Variants in KALRN observed in about 807,000 individuals in gnomAD.
KALRN encodes the protein kalirin RhoGEF kinase.
In KALRN, 70 loss-of-function variants were observed where a neutral mutation model predicts 353.7. That is an observed-to-expected ratio of 0.20 (90% CI 0.16 to 0.24). The LOEUF is 0.24. KALRN is among the 10% of genes least tolerant of loss of function. KALRN has a pLI of 1.00. For missense variants in KALRN, 2,791 were observed against 3,756.7 expected, an observed-to-expected ratio of 0.74 and a Z score of 6.72; for synonymous variants, 1,391 against 1,434.8, an observed-to-expected ratio of 0.97 and a Z score of 0.69.
intron 34 of KALRN, among the ~76,000 whole-genome samples, chr3:124,565,835 C>G (rs760139561): frequency 6.6e-6 from 1 of 152,120 alleles, no homozygotes; most frequent in African/African-American, 2.4e-5. Context: ...TCTGTGATCC[C>G]GAAGTGGGAG....
chr3:124,359,549 G>C (rs2149672802), intron 10 of KALRN, among the ~76,000 whole-genome samples: 1 of 152,250 alleles, frequency 6.6e-6, no homozygotes, highest in African/African-American at 2.4e-5. Context: ...GAAAAGCATA[G>C]CATTTGGGGT....
At chr3:124,464,401 CATG>C (rs1420720171) in intron 25 of KALRN, among the ~76,000 whole-genome samples, 1 of 152,186 alleles carries the variant, frequency 6.6e-6, no homozygotes, top group Non-Finnish European at 1.5e-5. Flanking sequence ...ATTCTGCTGT[CATG>C]ATATCACTGG....
chr3:124,295,941 A>T (rs1414354545), intron 5 of KALRN, among the ~76,000 whole-genome samples: 4 of 152,222 alleles, frequency 2.6e-5, no homozygotes, highest in South Asian at 2.1e-4. Context: ...AGGACCCAGG[A>T]TAGTGCACAC....
chr3:124,295,664 A>G (rs2076790904), intron 5 of KALRN, among the ~76,000 whole-genome samples: 1 of 152,168 alleles, frequency 6.6e-6, no homozygotes, highest in South Asian at 2.1e-4. Flanking sequence ...AAGAAAGTGT[A>G]TGGAGTGAGC....
intron 1 of KALRN, among the ~76,000 whole-genome samples, chr3:124,081,630 A>G (rs1241548703): frequency 6.6e-6 from 1 of 152,036 alleles, no homozygotes; most frequent in Non-Finnish European, 1.5e-5. Flanking sequence ...AATTAGCTGG[A>G]TGTGGTGGCA....
chr3:124,427,032 G>A (rs1358714767), intron 15 of KALRN, among the ~76,000 whole-genome samples: 1 of 152,164 alleles, frequency 6.6e-6, no homozygotes, highest in Admixed American at 6.5e-5. Flanking sequence ...CCAAATGCTG[G>A]CCAAAATTTG....
chr3:124,244,185 C>T (rs912642656), intron 3 of KALRN, among the ~76,000 whole-genome samples: 15 of 152,176 alleles, frequency 9.9e-5, no homozygotes, highest in African/African-American at 3.4e-4. Flanking sequence ...CTTGTAACTG[C>T]ACCACCTAGA....
At chr3:124,625,857 GA>G (rs1436410123) in intron 34 of KALRN, among the ~76,000 whole-genome samples, 1 of 152,204 alleles carries the variant, frequency 6.6e-6, no homozygotes, top group Admixed American at 6.5e-5. Flanking sequence ...GAGGTGGCCA[GA>G]TCACCTGAGG....
chr3:124,081,265 T>C (rs772889564), intron 1 of KALRN, among the ~76,000 whole-genome samples: 30 of 152,200 alleles, frequency 2.0e-4, no homozygotes, highest in Non-Finnish European at 4.3e-4. Context: ...TGTGTTTATG[T>C]ACCTCCATGC....
rs188815285 is a variant in KALRN, at chr3:124,194,793, G to A, written c.74-33197G>A. Among the ~76,000 whole-genome samples the A allele has an allele frequency of 3.0e-4, 46 of 152,162 alleles. 1 individual carries two copies. The East Asian group carries it at 7.0e-3, about 23-fold the overall frequency. ...ACTGCCAGAGCCCTTGGATCCGTGT[G>A]GTTTCTCAGATTTCAGCTTGGCCCT... On this transcript the variant is annotated intron_variant, in intron 1 of 59. Transcript: ENST00000682506.
intron 1 of KALRN, among the ~76,000 whole-genome samples, chr3:124,092,053 C>T (rs2061149733): frequency 6.6e-6 from 1 of 152,178 alleles, no homozygotes; most frequent in African/African-American, 2.4e-5. Context: ...GAGTAAAACT[C>T]CAGGCTGAAT....
Position 124,664,334 on chromosome 3 carries a change from AGTGTGTGTGTGTGT to A in KALRN, c.6346-2091_6346-2078del, listed in dbSNP as rs750940277. Among the ~76,000 whole-genome samples the A allele has an allele frequency of 1.5e-3, 187 of 126,882 alleles. 2 individuals are homozygous for A. In the East Asian group the frequency reaches 0.03, roughly 20 times the overall value. The allele number at this position is 126,882 out of a possible 152,430, so 83.2% of individuals were successfully genotyped here. A position where few individuals can be genotyped will look rare whatever the true frequency, so the allele number is the denominator to read the frequency against. ...TCACAGGAGCTGTGTTGTACATGTG[AGTGTGTGTGTGTGT>A]GTGTGTGTGTGTGTGTGTGTGTGCG... On this transcript the variant is annotated intron_variant, in intron 45 of 59. Transcript: ENST00000682506.
rs138252689 is a variant in KALRN at position 124,647,285 on chromosome 3, A to G, written c.5665-3523A>G. On this transcript the variant is annotated intron_variant, in intron 37 of 59. Transcript: ENST00000682506. ...CAAACTTCTCCAGGATTCTGTTTTC[A>G]CTCCTCATCCCCTCTTCCTTTAATA... Among the ~76,000 whole-genome samples, 1,167 of 151,566 alleles carry G rather than the reference A, an allele frequency of 7.7e-3. 15 individuals are homozygous for G. The highest frequency in any genetic ancestry group is 0.025 in the African/African-American group (1,032 of 41,288).
intron 58 of KALRN, among the ~76,000 whole-genome samples, chr3:124,713,947 T>C (rs112652781): frequency 3.3e-5 from 5 of 152,310 alleles, no homozygotes; most frequent in South Asian, 2.1e-4. Flanking sequence ...AGTCCGGCTC[T>C]TGCGTGCTTG....
chr3:124,510,477 A>G (rs1251067159), intron 33 of KALRN, among the ~76,000 whole-genome samples: 2 of 152,156 alleles, frequency 1.3e-5, no homozygotes, highest in African/African-American at 4.8e-5. Flanking sequence ...ACACCATTCA[A>G]AGGAATTTAG....
chr3:124,102,958 A>G (rs2069816018), intron 1 of KALRN, among the ~76,000 whole-genome samples: 1 of 152,336 alleles, frequency 6.6e-6, no homozygotes, highest in South Asian at 2.1e-4. Context: ...TTTCACAGAT[A>G]GGAAACAGGC....
At position 124,672,976 on chromosome 3, in the gene KALRN, ATC is replaced by A. The variant is rs2086650234; in HGVS notation, c.6942+1079_6942+1080del. Among the ~76,000 whole-genome samples, 3 of 152,330 alleles carry A rather than the reference ATC, an allele frequency of 2.0e-5. No homozygotes were observed. The South Asian group carries it at 6.2e-4, about 32-fold the overall frequency. On this transcript the variant is annotated intron_variant, in intron 48 of 59. Coordinates refer to ENST00000682506, the MANE Select transcript of KALRN (RefSeq NM_001388419.1). ...AAAAAATTATTAGTGTCCAAGTTCA[ATC>A]CTGTATTAGAGTAACCACACTGATT...
intron 56 of KALRN, among the ~76,000 whole-genome samples, chr3:124,701,378 T>C (rs1369052896): frequency 1.4e-5 from 2 of 142,824 alleles, no homozygotes; most frequent in East Asian, 4.1e-4. Context: ...TTCTTTTTCT[T>C]TCTTTCTTTC....
chr3:124,397,177 C>T (rs778533555), intron 12 of KALRN, among the ~76,000 whole-genome samples: 9 of 152,320 alleles, frequency 5.9e-5, no homozygotes, highest in Non-Finnish European at 1.0e-4. Context: ...AGAATAATCA[C>T]ATCCTCCCAG....
Sources: gnomAD v4.1 joint callset for allele counts (sites outside exome capture counted in the v4.1 genomes callset) on GRCh38, gnomAD v4.1.1 for gene constraint, MANE v1.5 for transcripts, NCBI Gene and HGNC (gene_info 2026-07-23, HGNC 2026-07-21) for gene names.